Variants in GRIK4 observed in about 807,000 individuals in gnomAD.
GRIK4 encodes glutamate ionotropic receptor kainate type subunit 4.
In GRIK4, 40 loss-of-function variants were observed where a neutral mutation model predicts 104.9. The ratio of observed to expected loss-of-function variants is 0.38; its 90% CI spans 0.30 to 0.50. GRIK4 has a LOEUF of 0.50. Among genes scored for constraint, GRIK4 ranks in the 20% least tolerant of loss-of-function variants. The probability of loss-of-function intolerance (pLI) is 0.93; values close to 1 mark genes in which losing one functional copy is unlikely to be tolerated. For synonymous variants in GRIK4, 485 were observed against 524.9 expected (o/e 0.92, Z 1.04); for missense variants, 1,047 against 1,308.1 (o/e 0.80, Z 3.08).
intron 8 of GRIK4, among the ~76,000 whole-genome samples, chr11:120,849,385 C>T (rs565552713): frequency 6.6e-6 from 1 of 152,214 alleles, no homozygotes; most frequent in African/African-American, 2.4e-5. Context: ...CCCTCTATCA[C>T]AAAGTTGTTA....
At chr11:120,683,754 GAAGTA>G (rs1950233706) in intron 3 of GRIK4, among the ~76,000 whole-genome samples, 1 of 152,200 alleles carries the variant, frequency 6.6e-6, no homozygotes, top group Non-Finnish European at 1.5e-5. Flanking sequence ...ATTGTAACTG[GAAGTA>G]AAGAGTGGAA....
intron 3 of GRIK4, among the ~76,000 whole-genome samples, chr11:120,740,354 A>C (rs1337222807): frequency 6.6e-6 from 1 of 152,186 alleles, no homozygotes; most frequent in Non-Finnish European, 1.5e-5. Context: ...TTGCGGTGGC[A>C]GTAGCTCCCA....
intron 3 of GRIK4, among the ~76,000 whole-genome samples, chr11:120,778,451 CT>C (rs1440755426): frequency 2.0e-5 from 3 of 152,164 alleles, no homozygotes; most frequent in South Asian, 2.1e-4. Flanking sequence ...TAAATAAAGA[CT>C]TTAGTTTGTA....
intron 9 of GRIK4, chr11:120,868,025 TG>T (rs1379243237): frequency 4.6e-5 from 7 of 152,250 alleles, no homozygotes; most frequent in South Asian, 2.1e-4. Flanking sequence ...GGTATTATAT[TG>T]GGGGGTAGAG....
chr11:120,874,408 A>G (rs1447707565), intron 10 of GRIK4, among the ~76,000 whole-genome samples, 190 bp downstream of exon 10: 1 of 152,222 alleles, frequency 6.6e-6, no homozygotes, highest in African/African-American at 2.4e-5. Context: ...CCTAAACCCC[A>G]ATAACCACTG....
At chr11:120,843,422 G>T (rs1037192674) in intron 8 of GRIK4, among the ~76,000 whole-genome samples, 2 of 152,234 alleles carry the variant, frequency 1.3e-5, no homozygotes, top group African/African-American at 4.8e-5. Flanking sequence ...TCAGCAGGAG[G>T]CCTCATTATT....
At chr11:120,597,689 G>A (rs544326021) in intron 1 of GRIK4, among the ~76,000 whole-genome samples, 2 of 151,932 alleles carry the variant, frequency 1.3e-5, no homozygotes, top group South Asian at 4.1e-4. Flanking sequence ...TGCCTGTTCA[G>A]TGCAGCCCCC....
At chr11:120,553,289 G>A (rs574384679) in intron 1 of GRIK4, among the ~76,000 whole-genome samples, 3 of 152,294 alleles carry the variant, frequency 2.0e-5, no homozygotes, top group Non-Finnish European at 4.4e-5. Flanking sequence ...AGAGACAGGG[G>A]AACAGGAGGA....
At chr11:120,890,961 T>A (rs1484253283) in intron 11 of GRIK4, among the ~76,000 whole-genome samples, 1 of 152,212 alleles carries the variant, frequency 6.6e-6, no homozygotes, top group Non-Finnish European at 1.5e-5. Flanking sequence ...ACATAAAATA[T>A]GAAATGTTAT....
chr11:120,888,692 C>T (rs1334485294), intron 11 of GRIK4, among the ~76,000 whole-genome samples: 3 of 152,134 alleles, frequency 2.0e-5, no homozygotes. Context: ...GCCTGACTTA[C>T]ATTTGGGTTG....
In GRIK4 at chr11:120,819,256, T is replaced by C. The variant is rs1169834746; in HGVS notation, c.346-499T>C. On this transcript the variant is annotated intron_variant, in intron 5 of 20. Transcript: ENST00000527524. This position sits in a 1 kb window ranked among gnomAD's most constrained non-coding sequence, Gnocchi z 4.3. ...TCCCTGGGCATTCCCCACTGAAGTTTGTTGGGAGCTGGTTACTATACACCT... is the reference window on the plus strand; with the variant it reads ...TCCCTGGGCATTCCCCACTGAAGTTCGTTGGGAGCTGGTTACTATACACCT... 6.6e-6 allele frequency among the ~76,000 whole-genome samples: 1 copy of C among 152,194 alleles called. No individual in the cohort carries two copies. The highest frequency in any genetic ancestry group is 2.4e-5 in the African/African-American group (1 of 41,458).
intron 1 of GRIK4, among the ~76,000 whole-genome samples, chr11:120,584,477 A>G (rs962700846): frequency 6.6e-6 from 1 of 152,234 alleles, no homozygotes; most frequent in Admixed American, 6.5e-5. Context: ...AGGCAGTTAC[A>G]TGGTGAAAGT....
intron 11 of GRIK4, among the ~76,000 whole-genome samples, chr11:120,876,172 AC>A (rs1290737723): frequency 2.1e-5 from 3 of 144,980 alleles, no homozygotes; most frequent in Middle Eastern, 7.0e-3. Context: ...CATCATCACC[AC>A]CCCCACCATC....
chr11:120,910,729 A>G (rs1048622592), intron 13 of GRIK4, among the ~76,000 whole-genome samples: 1 of 152,192 alleles, frequency 6.6e-6, no homozygotes, highest in Non-Finnish European at 1.5e-5. Flanking sequence ...CTCTAGACTC[A>G]AGGAGGCCAC....
chr11:120,660,546 TG>T, intron 3 of GRIK4, 146 bp downstream of exon 3: 2 of 621,114 alleles, frequency 3.2e-6, no homozygotes, highest in Admixed American at 2.8e-5. Context: ...AACATGCAGG[TG>T]GTGGTGGTGG....
chr11:120,866,176 A>C (rs893436497), intron 9 of GRIK4, among the ~76,000 whole-genome samples: 8 of 152,318 alleles, frequency 5.3e-5, no homozygotes, highest in Admixed American at 5.2e-4. Flanking sequence ...GCTCCATCAC[A>C]TAGTCACACA....
At chr11:120,757,405 T>C (rs1232197968) in intron 3 of GRIK4, among the ~76,000 whole-genome samples, 1 of 152,204 alleles carries the variant, frequency 6.6e-6, no homozygotes, top group Non-Finnish European at 1.5e-5. Context: ...ACGTGCCTTA[T>C]CTGTGAAATG....
intron 8 of GRIK4, among the ~76,000 whole-genome samples, chr11:120,842,803 T>G (rs1172194764): frequency 6.6e-6 from 1 of 152,206 alleles, no homozygotes; most frequent in East Asian, 1.9e-4. Context: ...GATGGAAGTT[T>G]GAATAAAAGA....
At chr11:120,633,386 C>T (rs893501598) in intron 1 of GRIK4, among the ~76,000 whole-genome samples, 1 of 152,194 alleles carries the variant, frequency 6.6e-6, no homozygotes, top group Non-Finnish European at 1.5e-5. Flanking sequence ...AGAGGACTCT[C>T]TGCAGACGCT....
Sources: gnomAD v4.1 joint callset for allele counts (sites outside exome capture counted in the v4.1 genomes callset) on GRCh38, gnomAD v4.1.1 for gene constraint, Gnocchi (gnomAD v3.1) non-coding constraint, MANE v1.5 for transcripts, NCBI Gene and HGNC (gene_info 2026-07-23, HGNC 2026-07-21) for gene names.